The following CTIF variants were observed in gnomAD, a reference collection of about 807,000 sequenced individuals.
The protein encoded by CTIF is cap binding complex dependent translation initiation factor, also known as CBP80/20-dependent translation initiation factor.
A neutral mutation model predicts 66.0 loss-of-function variants in CTIF; 21 were observed. That is an observed-to-expected ratio of 0.32 (90% CI 0.23 to 0.46). The LOEUF (loss-of-function observed/expected upper bound fraction) is 0.46, where lower values mean the gene tolerates loss of function less well. CTIF is among the 20% of genes least tolerant of loss of function. The pLI is 1.00. For missense variants in CTIF, 739 were observed against 812.7 expected (o/e 0.91, Z 1.10); for synonymous variants, 345 against 326.4 (o/e 1.06, Z -0.62).
Position 48,707,808 on chromosome 18 carries a change from G to A in CTIF, c.508-3811G>A, listed in dbSNP as rs116758287. On this transcript the variant is annotated intron_variant, in intron 6 of 11. Transcript: ENST00000256413. ...ACAAGGTTGTGCAACGATCACTACT[G>A]TCTAATTCTGGAACGTTGTTATCAC... 2.0e-3 allele frequency among the ~76,000 whole-genome samples: 309 copies of A among 152,276 alleles called. 1 individual carries two copies. The highest frequency in any genetic ancestry group is 7.3e-3 in the African/African-American group (305 of 41,542).
At chr18:48,663,152 C>G (rs1298473671) in intron 3 of CTIF, among the ~76,000 whole-genome samples, 2 of 152,106 alleles carry the variant, frequency 1.3e-5, no homozygotes, top group Non-Finnish European at 2.9e-5. Flanking sequence ...CAGGTGCGGT[C>G]AGGGGTTGGA....
chr18:48,663,931 G>A (rs918218430), intron 4 of CTIF, 106 bp downstream of exon 4: 4 of 1,038,188 alleles, frequency 3.9e-6, no homozygotes, highest in Non-Finnish European at 6.0e-6. Context: ...GAGGCAGAGA[G>A]AAGCAGAGTA....
At chr18:48,716,613 C>T (rs1025060022) in intron 7 of CTIF, among the ~76,000 whole-genome samples, 4 of 152,098 alleles carry the variant, frequency 2.6e-5, no homozygotes, top group African/African-American at 7.2e-5. Context: ...GGGTGGTGCT[C>T]ACAGCGGCCA....
intron 7 of CTIF, among the ~76,000 whole-genome samples, chr18:48,725,301 T>C (rs1283954836): frequency 6.6e-6 from 1 of 152,086 alleles, no homozygotes; most frequent in African/African-American, 2.4e-5. Flanking sequence ...GGGCTGGCGG[T>C]GCTCAGTCAG....
At chr18:48,548,836 T>C (rs945580233) in intron 1 of CTIF, among the ~76,000 whole-genome samples, 4 of 152,172 alleles carry the variant, frequency 2.6e-5, no homozygotes, top group Non-Finnish European at 5.9e-5. Flanking sequence ...TGAGGTGAGA[T>C]GAATTGAGGT....
intron 10 of CTIF, among the ~76,000 whole-genome samples, chr18:48,839,325 T>C (rs1283484413): frequency 2.6e-5 from 4 of 151,992 alleles, no homozygotes; most frequent in Non-Finnish European, 5.9e-5. Context: ...GCTTCAAAGG[T>C]TTCTTCCCAG....
intron 7 of CTIF, among the ~76,000 whole-genome samples, chr18:48,721,758 T>A (rs55726788): frequency 8.6e-5 from 13 of 151,432 alleles, no homozygotes; most frequent in South Asian, 6.2e-4. Flanking sequence ...CATCCCCCCC[T>A]CTCTGTCCTG....
chr18:48,737,560 G>A (rs577476443), intron 7 of CTIF, among the ~76,000 whole-genome samples: 1 of 151,810 alleles, frequency 6.6e-6, no homozygotes, highest in African/African-American at 2.4e-5. Flanking sequence ...CATTAAAAAA[G>A]GTCATTCCTA....
chr18:48,760,384 A>T (rs1272831253), intron 8 of CTIF: 1 of 152,022 alleles, frequency 6.6e-6, no homozygotes. Context: ...GCTCAAGGAA[A>T]GCTATAGATT....
intron 1 of CTIF, among the ~76,000 whole-genome samples, chr18:48,576,173 T>C (rs1324579143): frequency 6.6e-6 from 1 of 152,248 alleles, no homozygotes; most frequent in African/African-American, 2.4e-5. Flanking sequence ...TGGGGGTGTA[T>C]GGTCACTTGC....
chr18:48,554,276 C>G, intron 1 of CTIF, among the ~76,000 whole-genome samples: 1 of 152,224 alleles, frequency 6.6e-6, no homozygotes, highest in East Asian at 1.9e-4. Context: ...GTTCGCATAC[C>G]AGGCTTGCCA....
intron 7 of CTIF, among the ~76,000 whole-genome samples, chr18:48,736,004 G>A (rs2092499107): frequency 6.6e-6 from 1 of 152,144 alleles, no homozygotes; most frequent in African/African-American, 2.4e-5. Flanking sequence ...CCCGTTCCTG[G>A]GAATGGTTGC....
At chr18:48,590,849 G>A (rs1049366248) in intron 1 of CTIF, among the ~76,000 whole-genome samples, 3 of 149,812 alleles carry the variant, frequency 2.0e-5, no homozygotes, top group Non-Finnish European at 4.4e-5. Flanking sequence ...TGCTTATTAT[G>A]TTAGTCATTT....
At chr18:48,571,918 C>A (rs1355345249) in intron 1 of CTIF, among the ~76,000 whole-genome samples, 1 of 152,204 alleles carries the variant, frequency 6.6e-6, no homozygotes, top group Non-Finnish European at 1.5e-5. Context: ...GTAGGGCAGG[C>A]TGGCAGCCTG....
At position 48,636,631 on chromosome 18, in the gene CTIF, C is replaced by A. The variant is rs747522179; in HGVS notation, c.198C>A (p.Ser66Arg). 1.6e-5 allele frequency: 26 copies of A among 1,590,320 alleles called. No individual in the cohort carries two copies. In the South Asian group the frequency reaches 2.9e-4, roughly 18 times the overall value. The change falls in exon 3 of 12, where the codon AGC (serine) becomes AGA (arginine). Residue 66 changes from serine to arginine, a missense_variant. Physicochemically the swap from Ser to Arg is moderately radical, Grantham distance 110. Coordinates refer to ENST00000256413, the MANE Select transcript of CTIF (RefSeq NM_014772.3). The part of the protein sequence containing the change: ...SHISQWTADC[S>R]EPLDSSCSFS... ...TTCTGCAGTGGACAGCGGACTGCAG[C>A]GAACCGCTGGACAGCAGCTGTTCCT...
At chr18:48,645,613 A>G (rs968686114) in intron 3 of CTIF, among the ~76,000 whole-genome samples, 1 of 152,202 alleles carries the variant, frequency 6.6e-6, no homozygotes, top group Non-Finnish European at 1.5e-5. Flanking sequence ...CCCACGCCCC[A>G]TGGTGTCACT....
chr18:48,786,002 C>A (rs553982169), intron 9 of CTIF, among the ~76,000 whole-genome samples: 1 of 152,268 alleles, frequency 6.6e-6, no homozygotes, highest in African/African-American at 2.4e-5. Context: ...GAAGCTGAGG[C>A]TAGGAGAGTT....
intron 6 of CTIF, among the ~76,000 whole-genome samples, chr18:48,678,216 A>G (rs1471031831): frequency 1.3e-5 from 2 of 152,152 alleles, no homozygotes; most frequent in Non-Finnish European, 1.5e-5. Context: ...TTTTCTCTCT[A>G]CTGCTGAAGG....
In CTIF at chr18:48,545,853, A is replaced by T. The variant is rs991900460; in HGVS notation, c.-29+6541A>T. Among the ~76,000 whole-genome samples the T allele has an allele frequency of 2.0e-5, 3 of 152,098 alleles. No homozygotes were observed. In the East Asian group the frequency reaches 5.8e-4, roughly 29 times the overall value. ...CAATGAGAGCAGACCTCTTCCTCCC[A>T]TTGTCAGATAATCCTTTGTCATGCC... On this transcript the variant is annotated intron_variant, in intron 1 of 11. Coordinates refer to ENST00000256413, the MANE Select transcript of CTIF (RefSeq NM_014772.3).
Sources: allele counts gnomAD v4.1 joint callset (sites outside exome capture counted in the v4.1 genomes callset), GRCh38; gene constraint gnomAD v4.1.1; transcripts MANE v1.5; gene names NCBI Gene and HGNC (gene_info 2026-07-23, HGNC 2026-07-21).